NEGR1: variants seen among roughly 807,000 people sequenced by gnomAD.
The protein encoded by NEGR1 is IgLON family member 4.
In NEGR1, 10 loss-of-function variants were observed where a neutral mutation model predicts 40.9. The observed-to-expected ratio is 0.24, with a 90% CI of 0.15 to 0.42. The LOEUF (loss-of-function observed/expected upper bound fraction) is 0.42. Among genes scored for constraint, NEGR1 ranks in the 10% least tolerant of loss-of-function variants. The probability of loss-of-function intolerance (pLI) is 1.00; values close to 1 mark genes in which losing one functional copy is unlikely to be tolerated. For synonymous variants in NEGR1, 185 were observed against 166.8 expected (o/e 1.11, Z -0.84); for missense variants, 352 against 438.9 (o/e 0.80, Z 1.77).
chr1:71,538,476 T>C (rs902289858), intron 6 of NEGR1, among the ~76,000 whole-genome samples: 18 of 151,680 alleles, frequency 1.2e-4, no homozygotes, highest in African/African-American at 4.4e-4. Flanking sequence ...TTGCCGTGGT[T>C]TCATCTGAAA....
intron 1 of NEGR1, among the ~76,000 whole-genome samples, chr1:71,959,308 C>A (rs1339822364): frequency 6.6e-6 from 1 of 152,194 alleles, no homozygotes; most frequent in African/African-American, 2.4e-5. Context: ...ACCAGTCATC[C>A]TGTATGACTT....
chr1:71,758,368 T>C (rs1195289353), intron 3 of NEGR1, among the ~76,000 whole-genome samples: 1 of 152,116 alleles, frequency 6.6e-6, no homozygotes, highest in African/African-American at 2.4e-5. Flanking sequence ...AAATATCTTT[T>C]CTTGTAACAA....
At chr1:71,709,740 T>G (rs1654018137) in intron 3 of NEGR1, among the ~76,000 whole-genome samples, 1 of 152,142 alleles carries the variant, frequency 6.6e-6, no homozygotes, top group African/African-American at 2.4e-5. Context: ...AGACTTAAAT[T>G]TAAGCCCTCA....
intron 4 of NEGR1, among the ~76,000 whole-genome samples, chr1:71,633,871 C>T (rs188263510): frequency 6.6e-6 from 1 of 152,144 alleles, no homozygotes; most frequent in African/African-American, 2.4e-5. Flanking sequence ...TTAGCCAAGG[C>T]TGTTGTTTCC....
chr1:71,701,394 T>C (rs1423682795), intron 3 of NEGR1, among the ~76,000 whole-genome samples: 1 of 151,976 alleles, frequency 6.6e-6, no homozygotes, highest in Admixed American at 6.6e-5. Context: ...CCCTGACTCA[T>C]ATTCCCCTTT....
chr1:71,683,869 CT>C (rs1293443176), intron 4 of NEGR1, among the ~76,000 whole-genome samples: 1 of 150,854 alleles, frequency 6.6e-6, no homozygotes, highest in Non-Finnish European at 1.5e-5. Context: ...GAAATTATGA[CT>C]CTTACAATTT....
intron 1 of NEGR1, among the ~76,000 whole-genome samples, chr1:71,979,162 C>T (rs571756295): frequency 2.6e-5 from 4 of 152,044 alleles, no homozygotes; most frequent in Admixed American, 1.3e-4. Flanking sequence ...ATAAAGAGAA[C>T]ACATGGACAC....
intron 2 of NEGR1, among the ~76,000 whole-genome samples, chr1:71,930,417 A>T (rs574548299): frequency 6.6e-6 from 1 of 152,278 alleles, no homozygotes; most frequent in South Asian, 2.1e-4. Context: ...TTAGAAATAA[A>T]TTTTTGACAT....
intron 3 of NEGR1, among the ~76,000 whole-genome samples, chr1:71,733,240 C>T (rs761483088): frequency 6.6e-6 from 1 of 152,098 alleles, no homozygotes; most frequent in Non-Finnish European, 1.5e-5. Flanking sequence ...ATCTGCTGCT[C>T]TTTGGAGAAA....
At chr1:71,928,406 GTATGTATATATACACACA>G (rs748745555) in intron 2 of NEGR1, among the ~76,000 whole-genome samples, 624 of 58,500 alleles carry the variant, frequency 0.011, 68 homozygotes, top group South Asian at 0.032. Context: ...GTATATATGT[GTATGTATATATACACACA>G]TATGTATATA....
At position 71,396,060 on chromosome 1, in the gene NEGR1, G is replaced by C. The variant is rs1382258347; in HGVS notation, c.*11386C>G. 1 of 151,878 alleles carries C rather than the reference G, an allele frequency of 6.6e-6. No individual in the cohort carries two copies. Among genetic ancestry groups the C allele is most frequent in the Non-Finnish European group, 1.5e-5 (1 of 67,966 alleles). 9.4% of individuals were successfully genotyped at this position (151,878 alleles called of 1,614,324 possible). ...TTTTTATGATAGATCCAGGCAACAG[G>C]AAACACACATGCACACACACACCGA... On this transcript the variant is annotated 3_prime_UTR_variant, in exon 7 of 7. Transcript: ENST00000357731.
intron 3 of NEGR1, among the ~76,000 whole-genome samples, chr1:71,769,263 T>C (rs938498208): frequency 2.6e-5 from 4 of 152,172 alleles, no homozygotes; most frequent in South Asian, 2.1e-4. Flanking sequence ...AGAAGCCTCA[T>C]GTATACTTGT....
chr1:71,478,587 C>G (rs12142367), intron 6 of NEGR1, among the ~76,000 whole-genome samples: 11,738 of 151,974 alleles, frequency 0.077, 630 homozygotes, highest in Non-Finnish European at 0.11. Flanking sequence ...GGAATGGTCC[C>G]CTGCCTGACT....
chr1:71,679,268 A>C (rs1387198843), intron 4 of NEGR1, among the ~76,000 whole-genome samples: 1 of 152,138 alleles, frequency 6.6e-6, no homozygotes, highest in Non-Finnish European at 1.5e-5. Context: ...TTTAAAGTTC[A>C]ACAAAATACC....
At chr1:71,547,809 G>T (rs1647951661) in intron 6 of NEGR1, among the ~76,000 whole-genome samples, 1 of 151,710 alleles carries the variant, frequency 6.6e-6, no homozygotes, top group African/African-American at 2.4e-5. Flanking sequence ...TCACATCATT[G>T]TACTGGGATC....
chr1:71,501,202 G>C (rs1646996844), intron 6 of NEGR1, among the ~76,000 whole-genome samples: 2 of 152,022 alleles, frequency 1.3e-5, no homozygotes, highest in Admixed American at 1.3e-4. Flanking sequence ...CTAACAATAA[G>C]TTGATATCTG....
Position 71,969,310 on chromosome 1 carries a change from C to G in NEGR1, c.177-33999G>C, listed in dbSNP as rs564028838. On this transcript the variant is annotated intron_variant, in intron 1 of 6. Transcript: ENST00000357731. ...GATTACAGGCATGAGCCACCATGCC[C>G]AGCCTAACCCCTACATCTAATATTG... Among the ~76,000 whole-genome samples the G allele has an allele frequency of 2.6e-5, 4 of 152,314 alleles. No homozygotes were observed. The East Asian group carries it at 5.8e-4, about 22-fold the overall frequency.
At chr1:72,159,173 G>A (rs1182209323) in intron 1 of NEGR1, among the ~76,000 whole-genome samples, 3 of 152,128 alleles carry the variant, frequency 2.0e-5, no homozygotes, top group Non-Finnish European at 4.4e-5. Context: ...AATCTATGCA[G>A]GTTATATTTT....
chr1:71,973,548 G>T (rs1212162864), intron 1 of NEGR1, among the ~76,000 whole-genome samples: 1 of 152,122 alleles, frequency 6.6e-6, no homozygotes, highest in African/African-American at 2.4e-5. Context: ...TAATCTCCAT[G>T]CAGAATGGAA....
Sources: gnomAD v4.1 joint callset for allele counts (sites outside exome capture counted in the v4.1 genomes callset) on GRCh38, gnomAD v4.1.1 for gene constraint, MANE v1.5 for transcripts, NCBI Gene and HGNC (gene_info 2026-07-23, HGNC 2026-07-21) for gene names.